BIRC6: variants seen among roughly 807,000 people sequenced by gnomAD.
BIRC6 encodes baculoviral IAP repeat containing 6, also known as dual E2 ubiquitin-conjugating enzyme/E3 ubiquitin-protein ligase BIRC6.
BIRC6 carries 98 observed loss-of-function variants against 503.3 expected under a neutral mutation model. That is an observed-to-expected ratio of 0.19 (90% CI 0.17 to 0.23). The LOEUF (loss-of-function observed/expected upper bound fraction) is 0.23, where lower values mean the gene tolerates loss of function less well. BIRC6 is among the 10% of genes least tolerant of loss of function. BIRC6 has a pLI of 1.00. For synonymous variants in BIRC6, 2,240 were observed against 2,078.7 expected (o/e 1.08, Z -2.11); for missense variants, 5,360 against 5,806.0 (o/e 0.92, Z 2.50).
intron 20 of BIRC6, among the ~76,000 whole-genome samples, chr2:32,444,318 T>A (rs560559900): frequency 6.6e-6 from 1 of 152,296 alleles, no homozygotes; most frequent in Admixed American, 6.5e-5. Context: ...TACCCTGGTT[T>A]GATCATTGTG....
In BIRC6 at chr2:32,395,547, A is replaced by G; in HGVS notation, c.988A>G (p.Thr330Ala). 1 of 1,613,176 alleles carries G rather than the reference A, an allele frequency of 6.2e-7. No homozygotes were observed. The highest frequency in any genetic ancestry group is 8.5e-7 in the Non-Finnish European group (1 of 1,179,336). ...TGGAGATGATAGAGCCATGTGTTTTACTTGTAGTGTATGCCTCGTTTGTTG... is the reference window on the plus strand; with the variant it reads ...TGGAGATGATAGAGCCATGTGTTTTGCTTGTAGTGTATGCCTCGTTTGTTG... ...SSGDDRAMCF[T>A]CSVCLVCWEP... The change falls in exon 6 of 74, where the codon ACT becomes GCT. Residue 330 changes from threonine (T) to alanine (A), a missense_variant. Physicochemically the swap from Thr to Ala is moderately conservative, Grantham distance 58. This residue lies in a region of BIRC6 where 92 missense variants were observed against 176.7 expected (regional missense o/e 0.52). Transcript: ENST00000421745.
At chr2:32,446,234 G>C (rs554487941) in intron 21 of BIRC6, among the ~76,000 whole-genome samples, 1 of 152,288 alleles carries the variant, frequency 6.6e-6, no homozygotes, top group South Asian at 2.1e-4. Context: ...ATGAAAAGTG[G>C]TATGCCCTGC....
At chr2:32,413,771 C>T (rs184731171) in intron 9 of BIRC6, among the ~76,000 whole-genome samples, 11 of 151,448 alleles carry the variant, frequency 7.3e-5, no homozygotes, top group Non-Finnish European at 1.5e-4. Flanking sequence ...CTCTAGATAC[C>T]AAAACCTGGA....
chr2:32,468,871 T>C, intron 29 of BIRC6, 88 bp downstream of exon 29: 2 of 1,050,860 alleles, frequency 1.9e-6, no homozygotes, highest in Admixed American at 3.1e-5. Context: ...CAATATTTTC[T>C]ATTGTAAATT....
At chr2:32,499,193 G>C (rs1165663157) in intron 45 of BIRC6, among the ~76,000 whole-genome samples, 2 of 152,130 alleles carry the variant, frequency 1.3e-5, no homozygotes, top group Non-Finnish European at 2.9e-5. Flanking sequence ...AGCGTTATTT[G>C]AGAATGGAAA....
chr2:32,614,924 A>G (rs1053483154), intron 73 of BIRC6, among the ~76,000 whole-genome samples: 7 of 152,228 alleles, frequency 4.6e-5, no homozygotes, highest in African/African-American at 1.7e-4. Flanking sequence ...TTTGCTATAA[A>G]GAAATCCTTG....
At chr2:32,573,521 C>A (rs543557476) in intron 65 of BIRC6, among the ~76,000 whole-genome samples, 1 of 152,188 alleles carries the variant, frequency 6.6e-6, no homozygotes, top group South Asian at 2.1e-4. Context: ...AATGGCTGTT[C>A]AGTAACTGTC....
chr2:32,366,074 G>A (rs981233327), intron 1 of BIRC6, among the ~76,000 whole-genome samples: 1 of 151,404 alleles, frequency 6.6e-6, no homozygotes, highest in Non-Finnish European at 1.5e-5. Context: ...TACTAGAGAT[G>A]GGGTCAGGCT....
At chr2:32,413,073 A>G (rs1161617520) in intron 9 of BIRC6, among the ~76,000 whole-genome samples, 1 of 150,382 alleles carries the variant, frequency 6.6e-6, no homozygotes, top group Non-Finnish European at 1.5e-5. Context: ...CAGTTGCGTG[A>G]TCTCAGCTCA....
chr2:32,442,336 A>C lies in BIRC6; in HGVS notation c.4119A>C (p.Gly1373=), dbSNP rs568976567. The change falls in exon 19 of 74, where the codon GGA becomes GGC. Residue 1373 remains glycine, a synonymous_variant. Transcript: ENST00000421745. ...HSNGPGSSKE[G]NENLLSKTRK... ...TATTGTTTTGCAGCTCAAAGGAAGG[A>C]AATGAGAACCTACTTTCAAAAACAC... The C allele has an allele frequency of 6.6e-5, 106 of 1,613,232 alleles. 1 individual carries two copies. In the Middle Eastern group the frequency reaches 1.3e-3, roughly 20 times the overall value.
At chr2:32,394,440 G>T (rs1265413278) in intron 5 of BIRC6, among the ~76,000 whole-genome samples, 2 of 152,054 alleles carry the variant, frequency 1.3e-5, no homozygotes, top group Non-Finnish European at 2.9e-5. Context: ...GTCCTATGTT[G>T]TATGAATTAG....
chr2:32,502,677 A>T, intron 47 of BIRC6, 118 bp from the exon 48 acceptor site: 1 of 636,210 alleles, frequency 1.6e-6, no homozygotes, highest in Non-Finnish European at 2.5e-6. Context: ...TTTTGTATTT[A>T]GCGTATTTAA....
At chr2:32,555,553 G>A (rs1444537489) in intron 65 of BIRC6, among the ~76,000 whole-genome samples, 2 of 151,944 alleles carry the variant, frequency 1.3e-5, no homozygotes, top group Admixed American at 6.6e-5. Flanking sequence ...CAGGAGAATC[G>A]CTTGAAACCC....
intron 1 of BIRC6, among the ~76,000 whole-genome samples, chr2:32,370,424 G>A (rs1333710865): frequency 2.6e-5 from 4 of 152,100 alleles, no homozygotes; most frequent in Non-Finnish European, 4.4e-5. Context: ...CTGTGCTTAA[G>A]TAGATGTTGG....
At chr2:32,495,929 C>T (rs1446313499) in intron 45 of BIRC6, among the ~76,000 whole-genome samples, 2 of 151,970 alleles carry the variant, frequency 1.3e-5, no homozygotes, top group Non-Finnish European at 2.9e-5. Context: ...GCGCCGCCTC[C>T]TGGGTTCACG....
At chr2:32,369,050 A>C (rs2035395374) in intron 1 of BIRC6, among the ~76,000 whole-genome samples, 1 of 152,202 alleles carries the variant, frequency 6.6e-6, no homozygotes, top group African/African-American at 2.4e-5. Context: ...GCTTTTAGGT[A>C]GTCTTGGGAA....
chr2:32,466,120 G>A (rs2048514507), intron 26 of BIRC6, among the ~76,000 whole-genome samples: 1 of 152,044 alleles, frequency 6.6e-6, no homozygotes, highest in Non-Finnish European at 1.5e-5. Context: ...TGTTAGGGAA[G>A]TATTAGTAAC....
intron 66 of BIRC6, among the ~76,000 whole-genome samples, chr2:32,583,498 C>G (rs1296526876): frequency 2.0e-5 from 3 of 152,194 alleles, no homozygotes; most frequent in African/African-American, 4.8e-5. Context: ...TCTGAGATAG[C>G]ATTCCTTCTG....
chr2:32,388,831 A>G lies in BIRC6; in HGVS notation c.727A>G (p.Asn243Asp), dbSNP rs2038844594. The G allele has an allele frequency of 3.1e-6, 5 of 1,613,336 alleles. No homozygotes were observed. The highest frequency in any genetic ancestry group is 2.5e-6 in the Non-Finnish European group (3 of 1,179,618). The change falls in exon 4 of 74, where the codon AAT becomes GAT. Residue 243 changes from asparagine (N) to aspartate (D), a missense_variant. Physicochemically the swap from Asn to Asp is conservative, Grantham distance 23 (BLOSUM62 1). Around this residue, in one of 16 missense-constraint regions of BIRC6, gnomAD observed 134 missense variants for 150.9 expected, o/e 0.89. Transcript: ENST00000421745. ...SAIVNELKKI[N>D]QNVAALPVAS... ...CATTGTAAATGAACTCAAGAAAATA[A>G]ATCAAAATGTTGCTGCCTTACCTGT...
Sources: allele counts gnomAD v4.1 joint callset (sites outside exome capture counted in the v4.1 genomes callset), GRCh38; gene constraint gnomAD v4.1.1; regional missense constraint gnomAD v4.1.1; transcripts MANE v1.5; gene names NCBI Gene and HGNC (gene_info 2026-07-23, HGNC 2026-07-21).